Variants in APBB2 observed in about 807,000 individuals in gnomAD.
The protein encoded by APBB2 is Fe65-like 1.
In APBB2, 38 loss-of-function variants were observed where a neutral mutation model predicts 82.5. The observed-to-expected ratio is 0.46, with a 90% CI of 0.36 to 0.60. The LOEUF is 0.60. Ranked by LOEUF, APBB2 falls within the 20% of genes least tolerant of loss-of-function variation. APBB2 has a pLI of 0.00. For missense variants in APBB2, 772 were observed against 972.3 expected (o/e 0.79, Z 2.74); for synonymous variants, 341 against 368.2 (o/e 0.93, Z 0.85).
chr4:40,943,342 GA>G (rs1407495446), intron 7 of APBB2, among the ~76,000 whole-genome samples: 1 of 152,240 alleles, frequency 6.6e-6, no homozygotes, highest in African/African-American at 2.4e-5. Context: ...TTGGAATAGG[GA>G]AATGAAAATG....
chr4:40,896,909 A>G (rs1255925800), intron 10 of APBB2, among the ~76,000 whole-genome samples: 1 of 152,192 alleles, frequency 6.6e-6, no homozygotes, highest in Non-Finnish European at 1.5e-5. Context: ...AGAGCATCTT[A>G]GTGACCCTGG....
chr4:40,947,425 T>C (rs1390401660), intron 6 of APBB2, among the ~76,000 whole-genome samples: 1 of 152,202 alleles, frequency 6.6e-6, no homozygotes. Context: ...ACATACATTA[T>C]CAAAATATGA....
chr4:40,822,351 AC>A (rs1560607652), intron 16 of APBB2: 1 of 280,844 alleles, frequency 3.6e-6, no homozygotes, highest in African/African-American at 2.2e-5. Flanking sequence ...TGCCGTCCAT[AC>A]TTCTTACATC....
At chr4:40,962,984 C>G (rs952168969) in intron 6 of APBB2, among the ~76,000 whole-genome samples, 1 of 152,212 alleles carries the variant, frequency 6.6e-6, no homozygotes, top group African/African-American at 2.4e-5. Flanking sequence ...TGCAGGGTCT[C>G]TGGGAAGGTT....
At chr4:40,891,375 G>C (rs746285703) in intron 11 of APBB2, among the ~76,000 whole-genome samples, 4 of 152,120 alleles carry the variant, frequency 2.6e-5, no homozygotes, top group Non-Finnish European at 5.9e-5. Flanking sequence ...TTAAACATCT[G>C]TTGCACAGCT....
intron 4 of APBB2, among the ~76,000 whole-genome samples, chr4:41,060,847 T>G (rs1332240857): frequency 1.3e-5 from 2 of 152,092 alleles, no homozygotes; most frequent in East Asian, 3.9e-4. Context: ...AGGCACAGGG[T>G]GTACCCTGGC....
At chr4:40,903,409 G>A (rs1015861302) in intron 10 of APBB2, among the ~76,000 whole-genome samples, 1 of 152,238 alleles carries the variant, frequency 6.6e-6, no homozygotes, top group East Asian at 1.9e-4. Context: ...AGAGGTTGCA[G>A]TGAGCCAAGA....
At chr4:41,000,069 A>ATGTGTGTGTGTGTGTG (rs779111046) in intron 6 of APBB2, among the ~76,000 whole-genome samples, 6 of 130,634 alleles carry the variant, frequency 4.6e-5, no homozygotes, top group East Asian at 2.2e-4. Flanking sequence ...ATATGTGTGT[A>ATGTGTGTGTGTGTGTG]TGTGTGTGTG....
chr4:41,021,323 G>A (rs1032797818), intron 5 of APBB2, among the ~76,000 whole-genome samples: 1 of 152,224 alleles, frequency 6.6e-6, no homozygotes, highest in Non-Finnish European at 1.5e-5. Context: ...CCAACAGCAG[G>A]TGGGGTGTCC....
chr4:40,957,559 G>A (rs1225184430), intron 6 of APBB2, among the ~76,000 whole-genome samples: 1 of 151,176 alleles, frequency 6.6e-6, no homozygotes, highest in African/African-American at 2.4e-5. Context: ...CTTGATGGGG[G>A]ACTGCTTCTG....
chr4:41,013,678 A>C lies in APBB2; in HGVS notation c.740T>G (p.Leu247Arg). 1 of 1,614,196 alleles carries C rather than the reference A, an allele frequency of 6.2e-7. No homozygotes were observed. Among genetic ancestry groups the C allele is most frequent in the Non-Finnish European group, 8.5e-7 (1 of 1,180,032 alleles). Reference protein sequence around the residue: ...PKTGAKTDCALHRIQNLAPSD... With the variant: ...PKTGAKTDCARHRIQNLAPSD... ...CGGTGCCAGGTTCTGGATCCGGTGC[A>C]GTGCACAGTCGGTTTTGGCCCCTGT... Residue 247 changes from leucine to arginine, a missense_variant, in exon 6 of 18, where the codon CTG (leucine) becomes CGG (arginine). Coordinates refer to ENST00000508593, the MANE Select transcript of APBB2 (RefSeq NM_004307.2).
intron 12 of APBB2, chr4:40,880,204 T>A: frequency 1.0e-6 from 1 of 985,412 alleles, no homozygotes; most frequent in Non-Finnish European, 1.2e-6. Flanking sequence ...GTGAGATTCC[T>A]ACTCCAGTGT....
At chr4:41,133,565 A>C (rs1235560516) in intron 2 of APBB2, among the ~76,000 whole-genome samples, 2 of 152,216 alleles carry the variant, frequency 1.3e-5, no homozygotes, top group African/African-American at 4.8e-5. Context: ...TGTATAGCTT[A>C]ACCTTTCCGT....
chr4:41,180,326 T>C (rs1580668076), intron 1 of APBB2, among the ~76,000 whole-genome samples: 2 of 152,282 alleles, frequency 1.3e-5, no homozygotes, highest in Non-Finnish European at 2.9e-5. Context: ...TAAACTTGGC[T>C]GGACACAGTG....
chr4:40,995,760 C>G (rs562803501), intron 6 of APBB2, among the ~76,000 whole-genome samples: 1 of 152,190 alleles, frequency 6.6e-6, no homozygotes, highest in South Asian at 2.1e-4. Flanking sequence ...GTCTTGAAAT[C>G]CTAGACTTAA....
chr4:40,968,666 C>T (rs1795248831), intron 6 of APBB2, among the ~76,000 whole-genome samples: 1 of 152,136 alleles, frequency 6.6e-6, no homozygotes, highest in Non-Finnish European at 1.5e-5. Flanking sequence ...ATATCTGTAT[C>T]CCTGTGCCTT....
At chr4:41,032,693 G>A (rs1224105332) in intron 5 of APBB2, among the ~76,000 whole-genome samples, 5 of 150,732 alleles carry the variant, frequency 3.3e-5, no homozygotes, top group Admixed American at 3.3e-4. Flanking sequence ...TTTACATTAC[G>A]ATATAAGTAT....
intron 1 of APBB2, among the ~76,000 whole-genome samples, chr4:41,190,648 T>C (rs1774182355): frequency 6.6e-6 from 1 of 152,188 alleles, no homozygotes; most frequent in African/African-American, 2.4e-5. Context: ...CATCCACCTT[T>C]GTATTATTAG....
chr4:40,862,201 CAAGA>C (rs1295075510), intron 12 of APBB2, among the ~76,000 whole-genome samples: 1 of 152,198 alleles, frequency 6.6e-6, no homozygotes, highest in African/African-American at 2.4e-5. Context: ...AAACATTAAA[CAAGA>C]AAGTCACAGG....
Sources: gnomAD v4.1 joint callset for allele counts (sites outside exome capture counted in the v4.1 genomes callset) on GRCh38, gnomAD v4.1.1 for gene constraint, MANE v1.5 for transcripts, NCBI Gene and HGNC (gene_info 2026-07-23, HGNC 2026-07-21) for gene names.